Variants in ZNF28 observed in about 807,000 individuals in gnomAD.
The protein encoded by ZNF28 is zinc finger protein 28.
A neutral mutation model predicts 7.2 loss-of-function variants in ZNF28; 5 were observed. The ratio of observed to expected loss-of-function variants is 0.70; its 90% CI spans 0.36 to 1.46. The LOEUF is 1.46. Ranked by LOEUF, ZNF28 falls within the 40% of genes most tolerant of loss-of-function variation. ZNF28 has a pLI of 0.03. For synonymous variants in ZNF28, 288 were observed against 292.4 expected (o/e 0.99, Z 0.15); for missense variants, 879 against 866.6 (o/e 1.01, Z -0.18).
intron 3 of ZNF28, among the ~76,000 whole-genome samples, chr19:52,802,064 G>A (rs578250850): frequency 1.1e-3 from 162 of 152,152 alleles, no homozygotes; most frequent in African/African-American, 2.2e-3. Context: ...TATTTACAGC[G>A]TATTTAGTGT....
In ZNF28 at chr19:52,811,240, T is replaced by A. The variant is rs907857880; in HGVS notation, c.16-3107A>T. Reference sequence around the variant, plus strand: ...GTGCAGCGGCGTGATCTCGGCTCACTACAACCTCCACCTCCCAGCCGCCTG... The same window carrying A: ...GTGCAGCGGCGTGATCTCGGCTCACAACAACCTCCACCTCCCAGCCGCCTG... On this transcript the variant is annotated intron_variant, in intron 2 of 3. Transcript: ENST00000457749. Among the ~76,000 whole-genome samples the A allele has an allele frequency of 9.0e-4, 137 of 151,588 alleles. 4 individuals are homozygous for A. Among genetic ancestry groups the A allele is most frequent in the East Asian group, 7.8e-4 (4 of 5,112 alleles).
At position 52,819,400 on chromosome 19, in the gene ZNF28, T is replaced by A. The variant is rs996683243; in HGVS notation, c.-73-1369A>T. On this transcript the variant is annotated intron_variant, in intron 1 of 3. Transcript: ENST00000457749. ...ACTCTCTTTCTTCCATTCTATTGCT[T>A]TTTTTTTTCATTTTTGGGGTACTGC... Among the ~76,000 whole-genome samples the A allele has an allele frequency of 6.3e-5, 9 of 141,924 alleles. 1 individual carries two copies. Among genetic ancestry groups the A allele is most frequent in the Admixed American group, 5.0e-4 (7 of 13,990 alleles). 93.1% of individuals were successfully genotyped at this position (141,924 alleles called of 152,430 possible). A position where few individuals can be genotyped will look rare whatever the true frequency, so the allele number is the denominator to read the frequency against.
In ZNF28 at chr19:52,816,056, A is replaced by G. The variant is rs866655751; in HGVS notation, c.15+1888T>C. On this transcript the variant is annotated intron_variant, in intron 2 of 3. Transcript: ENST00000457749. The stretch of plus-strand genomic sequence containing the variant: ...TGTACGAGACTCGCTCTGACAGCTA[A>G]CACAGAACTGACAATAGTGGCTCGC... Among the ~76,000 whole-genome samples the G allele has an allele frequency of 3.4e-5, 5 of 147,516 alleles. 1 individual carries two copies. The highest frequency in any genetic ancestry group is 3.5e-3 in the Middle Eastern group (1 of 288).
chr19:52,803,573 T>C (rs931397515), intron 3 of ZNF28, among the ~76,000 whole-genome samples: 10 of 152,194 alleles, frequency 6.6e-5, no homozygotes, highest in African/African-American at 2.4e-4. Context: ...CCAAAACTTG[T>C]ACTTACCACC....
intron 2 of ZNF28, 149 bp downstream of exon 2, chr19:52,817,795 C>T (rs773918993): frequency 2.2e-5 from 34 of 1,529,804 alleles, no homozygotes; most frequent in Admixed American, 3.5e-5. Context: ...GGAATCTAAG[C>T]GAGATGAGAT....
chr19:52,814,952 G>A (rs1353093405), intron 2 of ZNF28, among the ~76,000 whole-genome samples: 1 of 145,866 alleles, frequency 6.9e-6, no homozygotes, highest in East Asian at 2.0e-4. Context: ...GCATATATAT[G>A]CCCCAAAAAT....
chr19:52,808,172 G>A (rs1023789432), intron 2 of ZNF28, 39 bp from the exon 3 acceptor site: 4 of 1,610,052 alleles, frequency 2.5e-6, no homozygotes, highest in African/African-American at 2.7e-5. Flanking sequence ...GGTTATGGTG[G>A]AGTTCTTATC....
chr19:52,818,153 AC>A, intron 1 of ZNF28, 122 bp from the exon 2 acceptor site: 1 of 1,051,856 alleles, frequency 9.5e-7, no homozygotes, highest in Non-Finnish European at 1.3e-6. Context: ...TGCCTACCGC[AC>A]CACGAACAAA....
chr19:52,799,064 T>C lies in ZNF28; in HGVS notation c.*624A>G. On this transcript the variant is annotated 3_prime_UTR_variant, in exon 4 of 4. Coordinates refer to ENST00000457749, the MANE Select transcript of ZNF28 (RefSeq NM_006969.5). Reference sequence around the variant, plus strand: ...AATTCTCCTGTCTTTCAAGCTGTGATTTGTGACTGACAACTTTGTCACAGT... The same window carrying C: ...AATTCTCCTGTCTTTCAAGCTGTGACTTGTGACTGACAACTTTGTCACAGT... The C allele has an allele frequency of 2.1e-6, 1 of 481,994 alleles. No homozygotes were observed. Among genetic ancestry groups the C allele is most frequent in the South Asian group, 2.0e-5 (1 of 48,888 alleles). 29.9% of individuals were successfully genotyped at this position (481,994 alleles called of 1,614,324 possible).
intron 2 of ZNF28, among the ~76,000 whole-genome samples, chr19:52,810,908 CCTCTCCCT>C (rs1477138811): frequency 0.013 from 1,281 of 97,806 alleles, 58 homozygotes; most frequent in African/African-American, 0.027. Context: ...CCTCCCTCTC[CCTCTCCCT>C]CCACAGTCTC....
intron 2 of ZNF28, chr19:52,810,671 G>T: frequency 1.0e-6 from 1 of 972,440 alleles, no homozygotes; most frequent in South Asian, 1.3e-5. Flanking sequence ...GTCTACAGGG[G>T]CCGGGCTAGA....
At chr19:52,809,764 CACTTCACTGCA>C (rs1319940108) in intron 2 of ZNF28, 16 of 479,820 alleles carry the variant, frequency 3.3e-5, no homozygotes, top group Non-Finnish European at 7.4e-6. Context: ...GAGATCATGC[CACTTCACTGCA>C]GCCTGGGTGA....
intron 2 of ZNF28, among the ~76,000 whole-genome samples, chr19:52,809,133 G>A (rs901413652): frequency 5.3e-5 from 8 of 152,146 alleles, no homozygotes; most frequent in African/African-American, 1.9e-4. Context: ...AAGGACACTT[G>A]GGCAGTTGCG....
chr19:52,801,070 C>G lies in ZNF28; in HGVS notation c.775G>C (p.Ala259Pro). 1 of 1,614,148 alleles carries G rather than the reference C, an allele frequency of 6.2e-7. No homozygotes were observed. Among genetic ancestry groups the G allele is most frequent in the Non-Finnish European group, 8.5e-7 (1 of 1,180,034 alleles). Residue 259 changes from alanine (A) to proline (P), a missense_variant, in exon 4 of 4, where the codon GCA (alanine) becomes CCA (proline). Physicochemically the swap from Ala to Pro is conservative, Grantham distance 27. This residue lies in a region of ZNF28 where 864 missense variants were observed against 830.2 expected (regional missense o/e 1.04). Transcript: ENST00000457749. ...TCAATGTGAGATCTACGATGGCATG[C>G]AAGGTATCGCTTCTGATTAAATACC... The part of the protein sequence containing the change: ...GKVFNQKRYL[A>P]CHRRSHIDEK...
intron 2 of ZNF28, among the ~76,000 whole-genome samples, chr19:52,816,765 A>G: frequency 6.6e-6 from 1 of 151,828 alleles, no homozygotes; most frequent in African/African-American, 2.4e-5. Context: ...TGGGAGACAG[A>G]GGTTGTAGTA....
chr19:52,798,410 T>C lies in ZNF28; in HGVS notation c.*1278A>G. 1 of 396,390 alleles carries C rather than the reference T, an allele frequency of 2.5e-6. No homozygotes were observed. The highest frequency in any genetic ancestry group is 5.0e-6 in the Non-Finnish European group (1 of 200,188). 24.6% of individuals were successfully genotyped at this position (396,390 alleles called of 1,614,324 possible). ...AACTGTAATGTCAATTAATGCTTGA[T>C]GGCTTGCTATACTAATGGCATTTGA... On this transcript the variant is annotated 3_prime_UTR_variant, in exon 4 of 4. Transcript: ENST00000457749.
At chr19:52,802,805 G>T (rs112392536) in intron 3 of ZNF28, among the ~76,000 whole-genome samples, 3,063 of 148,464 alleles carry the variant, frequency 0.021, 117 homozygotes, top group African/African-American at 0.072. Context: ...CTGTCGCCCA[G>T]GCTGGAGTGC....
At chr19:52,810,241 G>A in intron 2 of ZNF28, 1 of 1,220,912 alleles carries the variant, frequency 8.2e-7, no homozygotes, top group Non-Finnish European at 1.2e-6. Context: ...AGGAATATGA[G>A]TCTACCTCCA....
At chr19:52,810,259 C>T (rs1238306980) in intron 2 of ZNF28, 4 of 1,344,580 alleles carry the variant, frequency 3.0e-6, no homozygotes, top group African/African-American at 1.4e-5. Context: ...CCAGGCAATG[C>T]TGGCCCAGTG....
Sources: gnomAD v4.1 joint callset for allele counts (sites outside exome capture counted in the v4.1 genomes callset) on GRCh38, gnomAD v4.1.1 for gene constraint, gnomAD v4.1.1 regional missense constraint, MANE v1.5 for transcripts, NCBI Gene and HGNC (gene_info 2026-07-23, HGNC 2026-07-21) for gene names.